The following DISP2 variants were observed in gnomAD, a reference collection of about 807,000 sequenced individuals.
The protein encoded by DISP2 is protein dispatched homolog 2.
A neutral mutation model predicts 95.5 loss-of-function variants in DISP2; 59 were observed. That is an observed-to-expected ratio of 0.62 (90% confidence interval 0.50 to 0.77). DISP2 has a LOEUF of 0.77. Among genes scored for constraint, DISP2 ranks in the 30% least tolerant of loss-of-function variants. The pLI, the probability that DISP2 is intolerant of heterozygous loss-of-function variation, is 0.00. For missense variants in DISP2, 1,752 were observed against 1,854.6 expected, an observed-to-expected ratio of 0.94 and a Z score of 1.02; for synonymous variants, 827 against 815.0, an observed-to-expected ratio of 1.01 and a Z score of -0.25.
chr15:40,367,044 C>T lies in DISP2; in HGVS notation c.946-14C>T, dbSNP rs1007000591. ...GCTGCCCCTGAACTCTCCCCTCCTG[C>T]GTGTGCCCTACAGATCCGCTCCCAT... is the stretch of plus-strand genomic sequence containing the variant. On this transcript the variant is annotated splice_polypyrimidine_tract_variant and intron_variant, in intron 7 of 7. Coordinates refer to ENST00000267889, the MANE Select transcript of DISP2 (RefSeq NM_033510.3). 6 of 1,604,758 alleles carry T rather than the reference C, an allele frequency of 3.7e-6. No homozygotes were observed. The highest frequency in any genetic ancestry group is 2.2e-5 in the East Asian group (1 of 44,896).
At position 40,373,300 on chromosome 15, in the gene DISP2, C is replaced by T. The variant is rs1015670411; in HGVS notation, c.*2982C>T. 6.6e-6 allele frequency: 1 copy of T among 152,264 alleles called. No individual in the cohort carries two copies. The highest frequency in any genetic ancestry group is 1.9e-4 in the East Asian group (1 of 5,208). The allele number at this position is 152,264 out of a possible 1,614,324, so 9.4% of individuals were successfully genotyped here. A position where few individuals can be genotyped will look rare whatever the true frequency, so the allele number is the denominator to read the frequency against. Reference sequence around the variant, plus strand: ...GAAATGATTTCTCCCCACTCAGACACTCTAATAGAACTACATTAACATTTG... The same window carrying T: ...GAAATGATTTCTCCCCACTCAGACATTCTAATAGAACTACATTAACATTTG... On this transcript the variant is annotated 3_prime_UTR_variant, in exon 8 of 8. Transcript: ENST00000267889.
chr15:40,369,962 T>A lies in DISP2; in HGVS notation c.3850T>A (p.Ser1284Thr), dbSNP rs201222802. Reference sequence around the variant, plus strand: ...TGCAGATCCTCCTGATGGCTTCTGTTCCTCAGCCAGCACCCTGGAGGGGCT... The same window carrying A: ...TGCAGATCCTCCTGATGGCTTCTGTACCTCAGCCAGCACCCTGGAGGGGCT... ...KAADPPDGFC[S>T]SASTLEGLSV... is the part of the protein sequence containing the mutation. Residue 1284 changes from serine to threonine, a missense_variant, in exon 8 of 8, where the codon TCC (serine) becomes ACC (threonine). By Grantham distance (58) the Ser-to-Thr change is moderately conservative. Coordinates refer to ENST00000267889, the MANE Select transcript of DISP2 (RefSeq NM_033510.3). 1.3e-4 allele frequency: 212 copies of A among 1,611,026 alleles called. No individual in the cohort carries two copies. Among genetic ancestry groups the A allele is most frequent in the Non-Finnish European group, 1.8e-4 (207 of 1,178,534 alleles).
At chr15:40,366,778 GGT>G (rs1169247390) in intron 7 of DISP2, among the ~76,000 whole-genome samples, 4 of 152,166 alleles carry the variant, frequency 2.6e-5, no homozygotes, top group Non-Finnish European at 5.9e-5. Context: ...ATGGAGTTGG[GGT>G]GTGTGACCTA....
At chr15:40,365,870 C>G in intron 7 of DISP2, 145 bp downstream of exon 7, 1 of 796,788 alleles carries the variant, frequency 1.3e-6, no homozygotes. Context: ...TCCAACCCTG[C>G]TGAGAGGCTC....
chr15:40,363,394 T>G (rs1889437524), intron 1 of DISP2, among the ~76,000 whole-genome samples: 2 of 152,062 alleles, frequency 1.3e-5, no homozygotes, highest in South Asian at 4.1e-4. Context: ...TGCCAATTGT[T>G]TTTTGAGAGT....
chr15:40,377,127 A>C lies in DISP2; in HGVS notation c.*6809A>C, dbSNP rs1889739680. The C allele has an allele frequency of 6.6e-6, 1 of 152,208 alleles. No individual in the cohort carries two copies. The highest frequency in any genetic ancestry group is 1.5e-5 in the Non-Finnish European group (1 of 68,102). 9.4% of individuals were successfully genotyped at this position (152,208 alleles called of 1,614,324 possible). On this transcript the variant is annotated 3_prime_UTR_variant, in exon 8 of 8. Coordinates refer to ENST00000267889, the MANE Select transcript of DISP2 (RefSeq NM_033510.3). ...ATCACGAGGTCAGGAGATCGAGACC[A>C]TCCTGGCTAACATGGTGAAACCTCA...
rs558119766 is a variant in DISP2 at position 40,370,743 on chromosome 15, G to A, written c.*425G>A. On this transcript the variant is annotated 3_prime_UTR_variant, in exon 8 of 8. Transcript: ENST00000267889. ...GGTTCCTTACTGACCAGAGGAGCCC[G>A]CAGCAATCTCCACAGCCTCCTGGGT... 25 of 446,950 alleles carry A rather than the reference G, an allele frequency of 5.6e-5. No homozygotes were observed. Among genetic ancestry groups the A allele is most frequent in the African/African-American group, 2.6e-4 (13 of 49,862 alleles). The allele number at this position is 446,950 out of a possible 1,614,324, so 27.7% of individuals were successfully genotyped here.
rs897842775 is a variant in DISP2, at chr15:40,377,781, A to G, written c.*7463A>G. 5.9e-5 allele frequency: 9 copies of G among 152,566 alleles called. No individual in the cohort carries two copies. Among genetic ancestry groups the G allele is most frequent in the Admixed American group, 5.9e-4 (9 of 15,298 alleles). 9.5% of individuals were successfully genotyped at this position (152,566 alleles called of 1,614,324 possible). ...ACCACTTGAGACAAAGGAAAGGACCACCCAAAACAATGGGCCGGAACAGTA... is the reference window on the plus strand; with the variant it reads ...ACCACTTGAGACAAAGGAAAGGACCGCCCAAAACAATGGGCCGGAACAGTA... On this transcript the variant is annotated 3_prime_UTR_variant, in exon 8 of 8. Coordinates refer to ENST00000267889, the MANE Select transcript of DISP2 (RefSeq NM_033510.3).
intron 7 of DISP2, 101 bp from the exon 8 acceptor site, chr15:40,366,957 C>A: frequency 6.8e-7 from 1 of 1,463,526 alleles, no homozygotes; most frequent in South Asian, 1.3e-5. Context: ...TCTGCGCTTG[C>A]CCTGTAGTGT....
rs768842226 is a variant in DISP2, at chr15:40,368,275, C to T, written c.2163C>T (p.Ala721=). ...AALAAGGAYI[A]GVSPRLRLPT... is the part of the protein sequence containing the mutation. ...TGGCGGCAGGGGGCGCCTACATCGC[C>T]GGAGTCAGCCCCCGCCTGCGGCTGC... is the stretch of plus-strand genomic sequence containing the variant. Residue 721 remains alanine, a synonymous_variant, in exon 8 of 8, where the codon GCC becomes GCT. Transcript: ENST00000267889. 3 of 1,608,308 alleles carry T rather than the reference C, an allele frequency of 1.9e-6. No homozygotes were observed. The highest frequency in any genetic ancestry group is 2.5e-6 in the Non-Finnish European group (3 of 1,178,232).
Position 40,358,453 on chromosome 15 carries a change from G to T in DISP2, c.119+13G>T. 7.7e-7 allele frequency: 1 copy of T among 1,297,180 alleles called. No individual in the cohort carries two copies. The highest frequency in any genetic ancestry group is 9.8e-7 in the Non-Finnish European group (1 of 1,021,288). 80.4% of individuals were successfully genotyped at this position (1,297,180 alleles called of 1,614,324 possible). A position where few individuals can be genotyped will look rare whatever the true frequency, so the allele number is the denominator to read the frequency against. On this transcript the variant is annotated intron_variant, in intron 1 of 7. Transcript: ENST00000267889. ...GCTCCCCGGACAGGTAGGGCGGACA[G>T]CTCCGCAGATCCGTATCACAGACCC... is the stretch of plus-strand genomic sequence containing the variant.
In DISP2 at chr15:40,368,817, C is replaced by T. The variant is rs369267756; in HGVS notation, c.2705C>T (p.Ala902Val). ...TTTGATGCCCATGGCAGCCTGGCCGCCCTGGTCCTACAATTCCAGACCAAC... is the reference window on the plus strand; with the variant it reads ...TTTGATGCCCATGGCAGCCTGGCCGTCCTGGTCCTACAATTCCAGACCAAC... ...LRFDAHGSLAALVLQFQTNFR... is the reference protein window; with the variant it reads ...LRFDAHGSLAVLVLQFQTNFR... Residue 902 changes from alanine (A) to valine (V), a missense_variant, in exon 8 of 8, where the codon GCC (alanine) becomes GTC (valine). By Grantham distance (64) the Ala-to-Val change is moderately conservative. Around this residue, in one of 5 missense-constraint regions of DISP2, gnomAD observed 317 missense variants for 394.9 expected, o/e 0.80. Transcript: ENST00000267889. The T allele has an allele frequency of 1.3e-4, 204 of 1,613,870 alleles. No individual in the cohort carries two copies. The highest frequency in any genetic ancestry group is 1.7e-4 in the Non-Finnish European group (200 of 1,180,052).
In DISP2 at chr15:40,369,110, G is replaced by A. The variant is rs143786456; in HGVS notation, c.2998G>A (p.Val1000Met). The change falls in exon 8 of 8, where the codon GTG becomes ATG. Residue 1000 changes from valine (V) to methionine (M), a missense_variant. By Grantham distance (21) the Val-to-Met change is conservative. This residue lies in a region of DISP2 where 317 missense variants were observed against 394.9 expected (regional missense o/e 0.80). Coordinates refer to ENST00000267889, the MANE Select transcript of DISP2 (RefSeq NM_033510.3). The stretch of plus-strand genomic sequence containing the variant: ...CTCCGTGGCAGCTGTGGCAGGCACC[G>A]TGCTGCTCACTGTAGGACTCCTGGT... ...LFSVAAVAGT[V>M]LLTVGLLVLL... 580 of 1,613,804 alleles carry A rather than the reference G, an allele frequency of 3.6e-4. No individual in the cohort carries two copies. Among genetic ancestry groups the A allele is most frequent in the African/African-American group, 3.3e-3 (250 of 75,082 alleles).
At chr15:40,362,209 G>A (rs192498863) in intron 1 of DISP2, among the ~76,000 whole-genome samples, 199 of 152,234 alleles carry the variant, frequency 1.3e-3, no homozygotes, top group African/African-American at 3.6e-3. Flanking sequence ...CTTCTGCTCC[G>A]TGCTCCATGG....
At position 40,367,533 on chromosome 15, in the gene DISP2, T is replaced by G; in HGVS notation, c.1421T>G (p.Leu474Arg). The G allele has an allele frequency of 6.2e-7, 1 of 1,613,764 alleles. No individual in the cohort carries two copies. The highest frequency in any genetic ancestry group is 8.5e-7 in the Non-Finnish European group (1 of 1,179,984). ...DNYTSVTGMD[L>R]GLKQELLRHF... ...TACACCTCTGTCACTGGCATGGACC[T>G]GGGCCTCAAGCAGGAGCTGCTGAGG... The change falls in exon 8 of 8, where the codon CTG (leucine) becomes CGG (arginine). Residue 474 changes from leucine (L) to arginine (R), a missense_variant. Coordinates refer to ENST00000267889, the MANE Select transcript of DISP2 (RefSeq NM_033510.3).
At position 40,368,256 on chromosome 15, in the gene DISP2, CAGGGGGCGCCTACAT is replaced by C; in HGVS notation, c.2145_2159del (p.Gly716_Ile720del). On this transcript the variant is annotated inframe_deletion, in exon 8 of 8. Coordinates refer to ENST00000267889, the MANE Select transcript of DISP2 (RefSeq NM_033510.3). ...ATCTGCTGGTTCGCAGCACTGGCGG[CAGGGGGCGCCTACAT>C]CGCCGGAGTCAGCCCCCGCCTGCGG... The C allele has an allele frequency of 6.2e-7, 1 of 1,609,788 alleles. No homozygotes were observed. The highest frequency in any genetic ancestry group is 8.5e-7 in the Non-Finnish European group (1 of 1,178,810).
rs1017999621 is a variant in DISP2 at position 40,358,433 on chromosome 15, C to G, written c.112C>G (p.Pro38Ala). The change falls in exon 1 of 8, where the codon CCG becomes GCG. Residue 38 changes from proline (P) to alanine (A), a missense_variant. Pro to Ala is a conservative substitution (Grantham distance 27, BLOSUM62 -1). Coordinates refer to ENST00000267889, the MANE Select transcript of DISP2 (RefSeq NM_033510.3). ...GEPLAPDGGSPDSTQTKAVPP... is the reference protein window; with the variant it reads ...GEPLAPDGGSADSTQTKAVPP... Reference sequence around the variant, plus strand: ...GCCCTTGGCCCCAGACGGCGGCTCCCCGGACAGGTAGGGCGGACAGCTCCG... The same window carrying G: ...GCCCTTGGCCCCAGACGGCGGCTCCGCGGACAGGTAGGGCGGACAGCTCCG... 6 of 1,318,672 alleles carry G rather than the reference C, an allele frequency of 4.6e-6. No individual in the cohort carries two copies. Among genetic ancestry groups the G allele is most frequent in the Admixed American group, 4.0e-5 (1 of 24,716 alleles). The allele number at this position is 1,318,672 out of a possible 1,614,324, so 81.7% of individuals were successfully genotyped here. A position where few individuals can be genotyped will look rare whatever the true frequency, so the allele number is the denominator to read the frequency against.
Position 40,358,346 on chromosome 15 carries a change from A to G in DISP2, c.25A>G (p.Ser9Gly), listed in dbSNP as rs12594374. The stretch of plus-strand genomic sequence containing the variant: ...CATGGACGGTGACAGCAGCAGCAGC[A>G]GCGGCGGCAGCGGTCCGGCTCCCGG... MDGDSSSS[S>G]GGSGPAPGPG... Residue 9 changes from serine (S) to glycine (G), a missense_variant, in exon 1 of 8, where the codon AGC becomes GGC. Ser to Gly is a moderately conservative substitution (Grantham distance 56). This residue lies in a region of DISP2 where 342 missense variants were observed against 364.3 expected (regional missense o/e 0.94). Transcript: ENST00000267889. 198 of 1,385,170 alleles carry G rather than the reference A, an allele frequency of 1.4e-4. No individual in the cohort carries two copies. The highest frequency in any genetic ancestry group is 1.0e-3 in the East Asian group (33 of 32,668). 85.8% of individuals were successfully genotyped at this position (1,385,170 alleles called of 1,614,324 possible).
Position 40,373,222 on chromosome 15 carries a change from G to C in DISP2, c.*2904G>C, listed in dbSNP as rs1811746444. 6.6e-6 allele frequency: 1 copy of C among 152,184 alleles called. No homozygotes were observed. Among genetic ancestry groups the C allele is most frequent in the Non-Finnish European group, 1.5e-5 (1 of 68,050 alleles). The allele number at this position is 152,184 out of a possible 1,614,324, so 9.4% of individuals were successfully genotyped here. On this transcript the variant is annotated 3_prime_UTR_variant, in exon 8 of 8. Transcript: ENST00000267889. Reference sequence around the variant, plus strand: ...TGGAGACATGGCTTACAAGCACGCTGTGAGGCGTACAAAAATGAGTCAAAG... The same window carrying C: ...TGGAGACATGGCTTACAAGCACGCTCTGAGGCGTACAAAAATGAGTCAAAG...
Sources: allele counts gnomAD v4.1 joint callset (sites outside exome capture counted in the v4.1 genomes callset), GRCh38; gene constraint gnomAD v4.1.1; regional missense constraint gnomAD v4.1.1; transcripts MANE v1.5; gene names NCBI Gene and HGNC (gene_info 2026-07-23, HGNC 2026-07-21).